CDC42SE2: variants seen among roughly 807,000 people sequenced by gnomAD.
CDC42SE2 encodes CDC42 small effector 2, also known as CDC42 small effector protein 2.
CDC42SE2 carries 3 observed loss-of-function variants against 11.5 expected under a neutral mutation model. That is an observed-to-expected ratio of 0.26 (90% CI 0.12 to 0.67). The LOEUF (loss-of-function observed/expected upper bound fraction) is 0.67, where lower values mean the gene tolerates loss of function less well. Ranked by LOEUF, CDC42SE2 falls within the 30% of genes least tolerant of loss-of-function variation. The pLI is 0.80. For synonymous variants in CDC42SE2, 33 were observed against 34.8 expected, an observed-to-expected ratio of 0.95 and a Z score of 0.18; for missense variants, 82 against 106.8, an observed-to-expected ratio of 0.77 and a Z score of 1.02.
chr5:131,256,935 C>T (rs1429629059), intron 2 of CDC42SE2, among the ~76,000 whole-genome samples: 1 of 152,196 alleles, frequency 6.6e-6, no homozygotes, highest in Non-Finnish European at 1.5e-5. Context: ...CATAGGAATG[C>T]TATCTCATCC....
At chr5:131,215,243 G>A in the CDC42SE2 span, among the ~76,000 whole-genome samples, 1 of 152,170 alleles carries the variant, frequency 6.6e-6, no homozygotes, top group African/African-American at 2.4e-5. Context: ...TCATTCCTGG[G>A]CTTCTGTTTC....
upstream of CDC42SE2, among the ~76,000 whole-genome samples, chr5:131,242,334 C>T (rs1756546632): frequency 1.3e-5 from 2 of 152,128 alleles, no homozygotes; most frequent in South Asian, 4.1e-4. Flanking sequence ...TGAACAAAAG[C>T]GAGTCCTTTC....
intron 2 of CDC42SE2, among the ~76,000 whole-genome samples, chr5:131,354,083 T>C (rs769841583): frequency 5.3e-5 from 8 of 151,702 alleles, no homozygotes; most frequent in Non-Finnish European, 1.0e-4. Context: ...CTACAAAAAA[T>C]TTAAAAATTA....
intron 1 of CDC42SE2, among the ~76,000 whole-genome samples, chr5:131,264,491 A>ACCC (rs61561892): frequency 1.8e-5 from 2 of 108,556 alleles, no homozygotes; most frequent in Admixed American, 1.1e-4. Context: ...GGAAAGGCAG[A>ACCC]CCCCCCCCCT....
In CDC42SE2 at chr5:131,393,443, G is replaced by GCAT. The variant is rs1360589708; in HGVS notation, c.*2354_*2356dup. ...GAGGATCTGCCAAGGAAAAACATTT[G>GCAT]CATCTTCGGAGTAGACATTTTGCAG... On this transcript the variant is annotated 3_prime_UTR_variant, in exon 5 of 5. Transcript: ENST00000505065. 3.3e-5 allele frequency: 5 copies of GCAT among 152,366 alleles called. No individual in the cohort carries two copies. The highest frequency in any genetic ancestry group is 5.9e-5 in the Non-Finnish European group (4 of 68,046). 9.4% of individuals were successfully genotyped at this position (152,366 alleles called of 1,614,324 possible). A position where few individuals can be genotyped will look rare whatever the true frequency, so the allele number is the denominator to read the frequency against.
chr5:131,250,744 C>T (rs1210016806), intron 1 of CDC42SE2, among the ~76,000 whole-genome samples: 2 of 152,096 alleles, frequency 1.3e-5, no homozygotes, highest in African/African-American at 4.8e-5. Context: ...CTTTAGTTAA[C>T]AAAACTATAG....
At chr5:131,274,719 A>C (rs1213080410) in intron 1 of CDC42SE2, among the ~76,000 whole-genome samples, 1 of 152,106 alleles carries the variant, frequency 6.6e-6, no homozygotes, top group African/African-American at 2.4e-5. Context: ...TTCATGTCTT[A>C]CCAGTTTCTC....
At chr5:131,220,829 A>G in the CDC42SE2 span, among the ~76,000 whole-genome samples, 1 of 147,384 alleles carries the variant, frequency 6.8e-6, no homozygotes, top group Non-Finnish European at 1.5e-5. Flanking sequence ...AGTCCTACAT[A>G]CTCTTCTGTG....
At position 131,359,131 on chromosome 5, in the gene CDC42SE2, ATAT is replaced by A. The variant is rs1749636830; in HGVS notation, c.-285-76_-285-74del. 2.4e-5 allele frequency: 4 copies of A among 169,436 alleles called. No homozygotes were observed. The South Asian group carries it at 5.4e-4, about 23-fold the overall frequency. 10.5% of individuals were successfully genotyped at this position (169,436 alleles called of 1,614,324 possible). ...TTTTCAGTGTTTACTTTTTTTGGTA[ATAT>A]TTATTTTAAGAAATAAAAGCTTTCA... On this transcript the variant is annotated intron_variant, in intron 2 of 4. Coordinates refer to ENST00000505065, the MANE Select transcript of CDC42SE2 (RefSeq NM_001375635.1).
the CDC42SE2 span, among the ~76,000 whole-genome samples, chr5:131,225,447 A>C: frequency 1.3e-5 from 2 of 152,198 alleles, no homozygotes; most frequent in African/African-American, 4.8e-5. Flanking sequence ...AAAAACAAAC[A>C]CAGAGGCTAA....
At chr5:131,275,450 C>G (rs1480106947) in intron 1 of CDC42SE2, among the ~76,000 whole-genome samples, 1 of 151,998 alleles carries the variant, frequency 6.6e-6, no homozygotes, top group Admixed American at 6.6e-5. Context: ...GAGTCCACCA[C>G]CAGGCCAGGC....
intron 2 of CDC42SE2, among the ~76,000 whole-genome samples, chr5:131,353,125 C>G (rs1749398692): frequency 6.6e-6 from 1 of 151,918 alleles, no homozygotes; most frequent in Non-Finnish European, 1.5e-5. Context: ...GCCACCACAC[C>G]CAGCTAATTT....
At chr5:131,347,285 A>G (rs1263937900) in intron 2 of CDC42SE2, among the ~76,000 whole-genome samples, 1 of 152,200 alleles carries the variant, frequency 6.6e-6, no homozygotes, top group Non-Finnish European at 1.5e-5. Flanking sequence ...GAGAAGAATC[A>G]AATAGATGCA....
At position 131,254,563 on chromosome 5, in the gene CDC42SE2, G is replaced by GA. The variant is rs1434868800; in HGVS notation, n.108-529dup. The stretch of plus-strand genomic sequence containing the variant: ...TCTCGAAAAAAAAAAAAGAGAGACA[G>GA]AAAGAAAAAGAAAGAAAAGAAAAGA... On this transcript the variant is annotated intron_variant and non_coding_transcript_variant, in intron 1 of 3. Transcript: ENST00000502840. Among the ~76,000 whole-genome samples, 484 of 150,992 alleles carry GA rather than the reference G, an allele frequency of 3.2e-3. 5 individuals are homozygous for GA. The highest frequency in any genetic ancestry group is 0.012 in the African/African-American group (475 of 40,980).
chr5:131,311,454 G>T (rs1300723325), intron 1 of CDC42SE2, among the ~76,000 whole-genome samples: 1 of 151,280 alleles, frequency 6.6e-6, no homozygotes, highest in Non-Finnish European at 1.5e-5. Context: ...TATCTTTGTG[G>T]CGTTCTCTGT....
intron 1 of CDC42SE2, among the ~76,000 whole-genome samples, chr5:131,276,704 T>C (rs1383924816): frequency 6.6e-6 from 1 of 151,124 alleles, no homozygotes; most frequent in Non-Finnish European, 1.5e-5. Flanking sequence ...CAATTTAGAC[T>C]CTCATATAAA....
Position 131,292,906 on chromosome 5 carries a change from C to CAA in CDC42SE2, c.-454-23043_-454-23042dup, listed in dbSNP as rs869300653. ...TGGGTGACAGTGCGAGACCCTGTCT[C>CAA]AAAAAAAAAAAAAAAAAAAAAAAAA... On this transcript the variant is annotated intron_variant, in intron 1 of 4. Transcript: ENST00000505065. 8.8e-4 allele frequency among the ~76,000 whole-genome samples: 52 copies of CAA among 58,886 alleles called. 5 individuals carry two copies. The highest frequency in any genetic ancestry group is 4.7e-3 in the African/African-American group (46 of 9,836). 38.6% of individuals were successfully genotyped at this position (58,886 alleles called of 152,430 possible).
intron 1 of CDC42SE2, among the ~76,000 whole-genome samples, chr5:131,273,164 T>G (rs1397066778): frequency 6.7e-6 from 1 of 148,794 alleles, no homozygotes; most frequent in Non-Finnish European, 1.5e-5. Flanking sequence ...TATAATTTTT[T>G]TTTTTTTTTG....
At chr5:131,228,677 C>T in the CDC42SE2 span, among the ~76,000 whole-genome samples, 1 of 152,174 alleles carries the variant, frequency 6.6e-6, no homozygotes, top group East Asian at 1.9e-4. Flanking sequence ...CCCCTCAAAT[C>T]ACATGTTGAG....
Sources: gnomAD v4.1 joint callset for allele counts (sites outside exome capture counted in the v4.1 genomes callset) on GRCh38, gnomAD v4.1.1 for gene constraint, MANE v1.5 for transcripts, NCBI Gene and HGNC (gene_info 2026-07-23, HGNC 2026-07-21) for gene names.